CLCC1: variants seen among roughly 807,000 people sequenced by gnomAD.
The protein encoded by CLCC1 is chloride channel CLIC-like protein 1.
A neutral mutation model predicts 63.3 loss-of-function variants in CLCC1; 39 were observed. The observed-to-expected ratio is 0.62, with a 90% CI of 0.48 to 0.81. The LOEUF is 0.81. Among genes scored for constraint, CLCC1 ranks in the 30% least tolerant of loss-of-function variants. CLCC1 has a pLI of 0.00. For synonymous variants in CLCC1, 217 were observed against 239.8 expected (o/e 0.90, Z 0.88); for missense variants, 549 against 669.4 (o/e 0.82, Z 1.98).
chr1:108,962,714 T>A (rs1656817757), intron 1 of CLCC1, among the ~76,000 whole-genome samples: 1 of 151,906 alleles, frequency 6.6e-6, no homozygotes, highest in Admixed American at 6.6e-5. Context: ...ACAAATAAAA[T>A]TTACAAATTA....
intron 2 of CLCC1, among the ~76,000 whole-genome samples, chr1:108,954,851 T>TGA (rs1553222837): frequency 5.5e-5 from 8 of 145,840 alleles, no homozygotes; most frequent in South Asian, 2.1e-4. Context: ...TGTGTGTGTG[T>TGA]GACGGAGTTT....
At position 108,943,973 on chromosome 1, in the gene CLCC1, T is replaced by G. The variant is rs373844613; in HGVS notation, c.424A>C (p.Asn142His). 7.1e-5 allele frequency: 114 copies of G among 1,613,448 alleles called. No homozygotes were observed. The highest frequency in any genetic ancestry group is 8.7e-5 in the Non-Finnish European group (103 of 1,179,646). ...ETLLEIQKFL[N>H]GEDWKPGALD... ...GCACCTGGTTTCCAGTCTTCTCCAT[T>G]GAGAAACTTCTGTATTTCTAACAAA... Residue 142 changes from asparagine to histidine, a missense_variant, in exon 6 of 13, where the codon AAT becomes CAT. Coordinates refer to ENST00000369969, the MANE Select transcript of CLCC1 (RefSeq NM_001377458.1).
At chr1:108,958,087 G>A (rs1299576833) in intron 2 of CLCC1, among the ~76,000 whole-genome samples, 1 of 151,312 alleles carries the variant, frequency 6.6e-6, no homozygotes, top group Non-Finnish European at 1.5e-5. Flanking sequence ...GGCGATCAGA[G>A]GGCAGCAAAC....
chr1:108,949,745 T>A, intron 4 of CLCC1, 75 bp downstream of exon 4: 1 of 772,382 alleles, frequency 1.3e-6, no homozygotes, highest in South Asian at 2.3e-5. Context: ...AAATACAAAT[T>A]TATCAGCAGA....
intron 12 of CLCC1, chr1:108,933,868 A>T (rs1331166085): frequency 6.6e-6 from 1 of 152,186 alleles, no homozygotes. Flanking sequence ...ACAAGACAAT[A>T]TGATTTGCTA....
intron 11 of CLCC1, among the ~76,000 whole-genome samples, chr1:108,936,763 T>C (rs1653076242): frequency 6.6e-6 from 1 of 152,252 alleles, no homozygotes; most frequent in South Asian, 2.1e-4. Context: ...CAGTGATGCC[T>C]TCTCTCTGAT....
In CLCC1 at chr1:108,931,264, T is replaced by A. The variant is rs1000852277; in HGVS notation, c.*1283A>T. 1.4e-6 allele frequency: 2 copies of A among 1,455,804 alleles called. No homozygotes were observed. Among genetic ancestry groups the A allele is most frequent in the East Asian group, 5.1e-5 (2 of 39,562 alleles). 90.2% of individuals were successfully genotyped at this position (1,455,804 alleles called of 1,614,324 possible). Reference sequence around the variant, plus strand: ...ACAAAAATTAAATATGAAAGAAAGATGTCAGCTAGAACCTTAGTTGTCATT... The same window carrying A: ...ACAAAAATTAAATATGAAAGAAAGAAGTCAGCTAGAACCTTAGTTGTCATT... On this transcript the variant is annotated 3_prime_UTR_variant, in exon 13 of 13. Transcript: ENST00000369969.
In CLCC1 at chr1:108,934,763, G is replaced by T. The variant is rs775931647; in HGVS notation, c.1563C>A (p.Ala521=). ...AAEKAQLKSE[A]AGSPDQGSTY... ...TGCTGCCTTGGTCTGGGCTGCCTGC[G>T]GCTTCAGACTTGAGCTGGGCCTTTT... Residue 521 remains alanine, a synonymous_variant, in exon 12 of 13, where the codon GCC becomes GCA. Coordinates refer to ENST00000369969, the MANE Select transcript of CLCC1 (RefSeq NM_001377458.1). The T allele has an allele frequency of 1.3e-5, 21 of 1,614,050 alleles. No homozygotes were observed. The East Asian group carries it at 4.5e-4, about 34-fold the overall frequency.
rs746839772 is a variant in CLCC1, at chr1:108,929,735, C to T, written c.*2812G>A. 3.5e-5 allele frequency: 57 copies of T among 1,612,574 alleles called. No homozygotes were observed. The highest frequency in any genetic ancestry group is 4.6e-5 in the Non-Finnish European group (54 of 1,178,744). On this transcript the variant is annotated 3_prime_UTR_variant, in exon 13 of 13. Coordinates refer to ENST00000369969, the MANE Select transcript of CLCC1 (RefSeq NM_001377458.1). The stretch of plus-strand genomic sequence containing the variant: ...TTAGATGATCAAAGATGTGCTCCAC[C>T]ACCTGCTACCACAAAGGGTCCGACA...
At chr1:108,937,033 A>C (rs1653121333) in intron 11 of CLCC1, 44 bp downstream of exon 11, 1 of 1,348,040 alleles carries the variant, frequency 7.4e-7, no homozygotes, top group South Asian at 1.9e-5. Context: ...AGGATTTAGA[A>C]CCAGTAATGA....
intron 11 of CLCC1, 26 bp downstream of exon 11, chr1:108,937,051 G>A (rs890285419): frequency 1.4e-6 from 2 of 1,435,044 alleles, no homozygotes; most frequent in African/African-American, 1.4e-5. Context: ...TGAAGGGACA[G>A]CAGAATAAAA....
chr1:108,929,742 T>C lies in CLCC1; in HGVS notation c.*2805A>G, dbSNP rs1468130665. 2 of 1,613,306 alleles carry C rather than the reference T, an allele frequency of 1.2e-6. No individual in the cohort carries two copies. Among genetic ancestry groups the C allele is most frequent in the African/African-American group, 1.3e-5 (1 of 75,036 alleles). ...ATCAAAGATGTGCTCCACCACCTGC[T>C]ACCACAAAGGGTCCGACAGTACCAG... On this transcript the variant is annotated 3_prime_UTR_variant, in exon 13 of 13. Transcript: ENST00000369969.
At chr1:108,946,038 G>C (rs900541454) in intron 5 of CLCC1, among the ~76,000 whole-genome samples, 5 of 151,998 alleles carry the variant, frequency 3.3e-5, no homozygotes, top group Non-Finnish European at 7.4e-5. Context: ...GGCCGGGCGC[G>C]GTGGCTCATG....
chr1:108,962,655 G>A (rs1046140496), intron 1 of CLCC1, among the ~76,000 whole-genome samples, 186 bp from the exon 2 acceptor site: 3 of 152,126 alleles, frequency 2.0e-5, no homozygotes, highest in Admixed American at 1.3e-4. Context: ...GATCCTTTGA[G>A]CCCAGGAGTC....
Position 108,954,082 on chromosome 1 carries a change from C to T in CLCC1, c.-11-3634G>A, listed in dbSNP as rs746454171. On this transcript the variant is annotated intron_variant, in intron 2 of 12. Coordinates refer to ENST00000369969, the MANE Select transcript of CLCC1 (RefSeq NM_001377458.1). ...GAAAGACTGCACAGGAATGGGAATC[C>T]GAGGTATGGGTAACATCTTAAGTGC... Among the ~76,000 whole-genome samples, 4 of 150,486 alleles carry T rather than the reference C, an allele frequency of 2.7e-5. 1 individual carries two copies. The highest frequency in any genetic ancestry group is 5.0e-5 in the African/African-American group (2 of 40,164).
At chr1:108,939,540 A>G (rs983604327) in intron 10 of CLCC1, 96 bp downstream of exon 10, 4 of 1,033,804 alleles carry the variant, frequency 3.9e-6, no homozygotes, top group Non-Finnish European at 5.5e-6. Context: ...CGATCTCCTG[A>G]CCTCGTGATC....
At chr1:108,956,841 G>C (rs1277853083) in intron 2 of CLCC1, among the ~76,000 whole-genome samples, 2 of 118,196 alleles carry the variant, frequency 1.7e-5, no homozygotes, top group Non-Finnish European at 1.9e-5. Flanking sequence ...GGAACAGAAA[G>C]GAGGCCAGAA....
chr1:108,949,830 A>G lies in CLCC1; in HGVS notation c.221T>C (p.Leu74Ser), dbSNP rs766054203. 1.9e-6 allele frequency: 3 copies of G among 1,561,470 alleles called. No individual in the cohort carries two copies. The highest frequency in any genetic ancestry group is 2.3e-5 in the East Asian group (1 of 43,818). Residue 74 changes from leucine to serine, a missense_variant, in exon 4 of 13, where the codon TTA becomes TCA. Coordinates refer to ENST00000369969, the MANE Select transcript of CLCC1 (RefSeq NM_001377458.1). ...AATAAAAAAACTAACCTTATAAGTT[A>G]AAGAATCAAGTTTGTGATAACATTC... The part of the protein sequence containing the change: ...ISECYHKLDS[L>S]TYKIDECEKK...
In CLCC1 at chr1:108,963,470, G is replaced by C; in HGVS notation, c.-282C>G. 1 of 702,030 alleles carries C rather than the reference G, an allele frequency of 1.4e-6. No individual in the cohort carries two copies. The highest frequency in any genetic ancestry group is 1.5e-5 in the South Asian group (1 of 67,584). 43.5% of individuals were successfully genotyped at this position (702,030 alleles called of 1,614,324 possible). A position where few individuals can be genotyped will look rare whatever the true frequency, so the allele number is the denominator to read the frequency against. ...GGTTTCAGCGTGCTTCCTGGGCCTCGTCATCGAATTGTTCGGCTGACGGCT... is the reference window on the plus strand; with the variant it reads ...GGTTTCAGCGTGCTTCCTGGGCCTCCTCATCGAATTGTTCGGCTGACGGCT... On this transcript the variant is annotated 5_prime_UTR_variant, in exon 1 of 13. Transcript: ENST00000369969.
Sources: gnomAD v4.1 joint callset for allele counts (sites outside exome capture counted in the v4.1 genomes callset) on GRCh38, gnomAD v4.1.1 for gene constraint, MANE v1.5 for transcripts, NCBI Gene and HGNC (gene_info 2026-07-23, HGNC 2026-07-21) for gene names.